The following PDE1C variants were observed in gnomAD, a reference collection of about 807,000 sequenced individuals.
PDE1C encodes dual specificity calcium/calmodulin-dependent 3',5'-cyclic nucleotide phosphodiesterase 1C.
PDE1C carries 62 observed loss-of-function variants against 93.1 expected under a neutral mutation model. The observed-to-expected ratio is 0.67, with a 90% CI of 0.54 to 0.82. The LOEUF is 0.82. Ranked by LOEUF, PDE1C falls within the 40% of genes least tolerant of loss-of-function variation. The pLI is 0.00. For synonymous variants in PDE1C, 325 were observed against 310.1 expected (o/e 1.05, Z -0.50); for missense variants, 742 against 884.6 (o/e 0.84, Z 2.04).
At chr7:31,988,995 CA>C (rs36081234) in intron 2 of PDE1C, among the ~76,000 whole-genome samples, 1,053 of 34,144 alleles carry the variant, frequency 0.031, 9 homozygotes, top group African/African-American at 0.1. Flanking sequence ...AACTTCTTCT[CA>C]AAAAAAAAAA....
intron 1 of PDE1C, among the ~76,000 whole-genome samples, chr7:32,396,526 G>C (rs547603016): frequency 6.6e-6 from 1 of 151,016 alleles, no homozygotes; most frequent in Non-Finnish European, 1.5e-5. Flanking sequence ...GAAGTATGGG[G>C]GGGGGGAGTG....
At chr7:32,306,961 T>C (rs1466755075) in intron 1 of PDE1C, among the ~76,000 whole-genome samples, 1 of 152,134 alleles carries the variant, frequency 6.6e-6, no homozygotes, top group Non-Finnish European at 1.5e-5. Context: ...ATGCATCTGG[T>C]TTCCCAATCT....
chr7:32,289,600 T>C (rs1335518968), intron 1 of PDE1C, among the ~76,000 whole-genome samples: 1 of 152,104 alleles, frequency 6.6e-6, no homozygotes, highest in Non-Finnish European at 1.5e-5. Context: ...AATTCAGCAG[T>C]TCCAACACAG....
intron 1 of PDE1C, among the ~76,000 whole-genome samples, chr7:32,392,353 C>T (rs372358926): frequency 3.4e-4 from 51 of 152,236 alleles, no homozygotes; most frequent in African/African-American, 1.0e-3. Flanking sequence ...GTAAATTTTA[C>T]GTAACATTTA....
At chr7:31,973,552 C>T (rs1811251333) in intron 2 of PDE1C, among the ~76,000 whole-genome samples, 1 of 152,066 alleles carries the variant, frequency 6.6e-6, no homozygotes, top group Non-Finnish European at 1.5e-5. Flanking sequence ...AGAATTATAA[C>T]ACAATATAAT....
chr7:31,709,479 TC>T, the PDE1C span, among the ~76,000 whole-genome samples: 4 of 152,200 alleles, frequency 2.6e-5, no homozygotes, highest in African/African-American at 9.6e-5. Flanking sequence ...CGGTGTTTTT[TC>T]TATTGCCAAA....
intron 1 of PDE1C, among the ~76,000 whole-genome samples, chr7:32,405,517 G>A (rs890572426): frequency 6.6e-6 from 1 of 152,172 alleles, no homozygotes; most frequent in African/African-American, 2.4e-5. Flanking sequence ...TCAGTGCTGG[G>A]ATTACAGGTG....
chr7:31,996,282 C>T (rs1374347754), intron 2 of PDE1C, among the ~76,000 whole-genome samples: 1 of 151,886 alleles, frequency 6.6e-6, no homozygotes, highest in Non-Finnish European at 1.5e-5. Flanking sequence ...ACCCCTCCAG[C>T]CCAGCCCCAA....
At chr7:32,056,836 A>G (rs929513773) in intron 1 of PDE1C, among the ~76,000 whole-genome samples, 2 of 152,216 alleles carry the variant, frequency 1.3e-5, no homozygotes, top group Non-Finnish European at 2.9e-5. Context: ...GAAAAATTGG[A>G]TACTCCCAAT....
intron 2 of PDE1C, among the ~76,000 whole-genome samples, chr7:31,990,497 A>G (rs140174213): frequency 2.4e-4 from 36 of 152,308 alleles, no homozygotes; most frequent in African/African-American, 7.9e-4. Flanking sequence ...CTAGACTAAT[A>G]CAATAGGAAT....
chr7:31,806,492 A>C (rs1786843506), intron 16 of PDE1C, among the ~76,000 whole-genome samples: 1 of 151,980 alleles, frequency 6.6e-6, no homozygotes, highest in Non-Finnish European at 1.5e-5. Context: ...GTACTTTCAA[A>C]GGACATCCAT....
chr7:32,056,774 C>T (rs1184500261), intron 1 of PDE1C, among the ~76,000 whole-genome samples: 2 of 152,084 alleles, frequency 1.3e-5, no homozygotes, highest in African/African-American at 4.8e-5. Flanking sequence ...AAAAATCTTT[C>T]ATTGATTTTA....
rs543150113 is a variant in PDE1C at position 32,023,446 on chromosome 7, C to T, written c.128+28108G>A. Among the ~76,000 whole-genome samples, 3 of 152,148 alleles carry T rather than the reference C, an allele frequency of 2.0e-5. No homozygotes were observed. In the East Asian group the frequency reaches 5.8e-4, roughly 29 times the overall value. The stretch of plus-strand genomic sequence containing the variant: ...AATTTTAAGACATACATCACGAGAA[C>T]TTAATCTCTTTTTAACACAGGAACT... On this transcript the variant is annotated intron_variant, in intron 2 of 17. Transcript: ENST00000396191.
intron 1 of PDE1C, among the ~76,000 whole-genome samples, chr7:32,339,232 A>G (rs10447555): frequency 0.18 from 27,112 of 152,168 alleles, 2,651 homozygotes; most frequent in East Asian, 0.38. Context: ...GTATTTAAAA[A>G]ATTTTTAGGT....
intron 2 of PDE1C, among the ~76,000 whole-genome samples, chr7:31,962,128 A>G (rs1384961144): frequency 1.3e-5 from 2 of 152,206 alleles, no homozygotes; most frequent in Non-Finnish European, 2.9e-5. Context: ...CTTTTCTCCA[A>G]TAGTACAAAA....
chr7:32,074,571 C>T (rs190793918), upstream of PDE1C, among the ~76,000 whole-genome samples: 547 of 152,244 alleles, frequency 3.6e-3, 3 homozygotes, highest in African/African-American at 0.012. Context: ...TGCTATACCA[C>T]CTCCCTGCAG....
intron 15 of PDE1C, among the ~76,000 whole-genome samples, chr7:31,812,215 CTG>C (rs1414194037): frequency 2.0e-5 from 3 of 152,130 alleles, no homozygotes; most frequent in South Asian, 2.1e-4. Flanking sequence ...AAATGGTAGA[CTG>C]TTGCTTATTT....
chr7:31,663,042 AC>A, the PDE1C span, among the ~76,000 whole-genome samples: 1 of 151,896 alleles, frequency 6.6e-6, no homozygotes, highest in Non-Finnish European at 1.5e-5. Flanking sequence ...TCCTTTTCAA[AC>A]CCTGTATGCC....
chr7:31,978,992 T>G (rs1020953623), intron 2 of PDE1C, among the ~76,000 whole-genome samples: 4 of 152,146 alleles, frequency 2.6e-5, no homozygotes, highest in African/African-American at 7.2e-5. Context: ...CCACACTTGT[T>G]TATAGGACTA....
Sources: gnomAD v4.1 joint callset for allele counts (sites outside exome capture counted in the v4.1 genomes callset) on GRCh38, gnomAD v4.1.1 for gene constraint, MANE v1.5 for transcripts, NCBI Gene and HGNC (gene_info 2026-07-23, HGNC 2026-07-21) for gene names.